The following CCDC30 variants were observed in gnomAD, a reference collection of about 807,000 sequenced individuals.
CCDC30 encodes the protein coiled-coil domain containing 30.
In CCDC30, 70 loss-of-function variants were observed where a neutral mutation model predicts 100.2. The observed-to-expected ratio is 0.70, with a 90% confidence interval of 0.58 to 0.85. The LOEUF is 0.85. Ranked by LOEUF, CCDC30 falls within the 40% of genes least tolerant of loss-of-function variation. The probability of loss-of-function intolerance (pLI) is 0.00; values close to 1 mark genes in which losing one functional copy is unlikely to be tolerated. For missense variants in CCDC30, 652 were observed against 771.2 expected (o/e 0.85, Z 1.83); for synonymous variants, 233 against 269.5 (o/e 0.86, Z 1.33).
At chr1:42,631,354 G>A (rs2148669587) in intron 11 of CCDC30, among the ~76,000 whole-genome samples, 1 of 152,262 alleles carries the variant, frequency 6.6e-6, no homozygotes, top group East Asian at 1.9e-4. Flanking sequence ...TATGTTCTGA[G>A]CCACTTGGAA....
At position 42,498,905 on chromosome 1, in the gene CCDC30, CAG is replaced by C; in HGVS notation, c.451_452del (p.Glu151ThrfsTer35). On this transcript the variant is annotated frameshift_variant, in exon 6 of 17. Transcript: ENST00000668663. LOFTEE classifies it high-confidence loss of function. ...CCCTGGAAAAACTGTGGGTGGTGAACAGAGAGAACAGGTATTGTATTTTAAAG... is the reference window on the plus strand; with the variant it reads ...CCCTGGAAAAACTGTGGGTGGTGAACAGAGAACAGGTATTGTATTTTAAAG... 8.1e-7 allele frequency: 1 copy of C among 1,232,268 alleles called. No individual in the cohort carries two copies. The highest frequency in any genetic ancestry group is 3.2e-5 in the East Asian group (1 of 31,640). 76.3% of individuals were successfully genotyped at this position (1,232,268 alleles called of 1,614,324 possible).
At chr1:42,642,353 G>A (rs1647525810) in intron 12 of CCDC30, 120 bp from the exon 17 acceptor site, 4 of 782,548 alleles carry the variant, frequency 5.1e-6, no homozygotes, top group African/African-American at 1.8e-5. Context: ...AACAGACTAG[G>A]GGACAGGAAA....
rs572103292 is a variant in CCDC30, at chr1:42,613,346, C to G, written c.1277+2256C>G. 2.6e-5 allele frequency among the ~76,000 whole-genome samples: 4 copies of G among 152,294 alleles called. No homozygotes were observed. The East Asian group carries it at 5.8e-4, about 22-fold the overall frequency. On this transcript the variant is annotated intron_variant, in intron 11 of 16. Transcript: ENST00000668663. ...CTCGGCTCACTGCAAGCTCCGCCTC[C>G]CAGGTTCACGCCATTCTCCTGGCTC...
At chr1:42,462,890 C>T (rs1243721595), upstream of CCDC30, among the ~76,000 whole-genome samples, 2 of 152,208 alleles carry the variant, frequency 1.3e-5, no homozygotes, top group Admixed American at 1.3e-4. Context: ...GCTAGTGACA[C>T]GATCTAGGCC....
chr1:42,618,230 T>G (rs1292683422), intron 11 of CCDC30, among the ~76,000 whole-genome samples: 1 of 100,410 alleles, frequency 1.0e-5, no homozygotes, highest in Non-Finnish European at 1.9e-5. Flanking sequence ...CAGTGATATC[T>G]TTTTTTTTTT....
At chr1:42,599,751 A>G (rs1263730812) in intron 10 of CCDC30, among the ~76,000 whole-genome samples, 1 of 152,220 alleles carries the variant, frequency 6.6e-6, no homozygotes, top group Non-Finnish European at 1.5e-5. Context: ...AAAGAAAGTG[A>G]GAGTAGCTAA....
chr1:42,517,716 A>G (rs1488491072), intron 6 of CCDC30, among the ~76,000 whole-genome samples: 1 of 152,234 alleles, frequency 6.6e-6, no homozygotes, highest in East Asian at 1.9e-4. Flanking sequence ...CATTCAACAA[A>G]GAAAAGCCCT....
chr1:42,601,964 TA>T (rs1424519587), intron 10 of CCDC30, among the ~76,000 whole-genome samples: 8 of 152,140 alleles, frequency 5.3e-5, no homozygotes, highest in Non-Finnish European at 8.8e-5. Context: ...ATTCATCAGA[TA>T]AATTCAACAA....
At position 42,574,913 on chromosome 1, in the gene CCDC30, A is replaced by G. The variant is rs76941324; in HGVS notation, c.637-2107A>G. 7.7e-3 allele frequency among the ~76,000 whole-genome samples: 1,167 copies of G among 152,300 alleles called. 14 individuals carry two copies. Among genetic ancestry groups the G allele is most frequent in the Non-Finnish European group, 0.012 (783 of 68,006 alleles). On this transcript the variant is annotated intron_variant, in intron 7 of 16. Transcript: ENST00000668663. Reference sequence around the variant, plus strand: ...ACTTAACTGTTGTTAGGTCTTTCCTATGTGTCTGGCTCTATTCTTGAGGCT... The same window carrying G: ...ACTTAACTGTTGTTAGGTCTTTCCTGTGTGTCTGGCTCTATTCTTGAGGCT...
chr1:42,477,338 T>C (rs1161579678), intron 1 of CCDC30, among the ~76,000 whole-genome samples: 1 of 152,092 alleles, frequency 6.6e-6, no homozygotes, highest in Admixed American at 6.6e-5. Flanking sequence ...CAAGGGATTC[T>C]CCTGCCTCAG....
intron 11 of CCDC30, among the ~76,000 whole-genome samples, chr1:42,631,083 C>G (rs1374228046): frequency 6.6e-6 from 1 of 152,142 alleles, no homozygotes; most frequent in Non-Finnish European, 1.5e-5. Context: ...TCTTTGCAGT[C>G]TGGGCTTATT....
chr1:42,494,230 A>G (rs1644193114), intron 4 of CCDC30, among the ~76,000 whole-genome samples: 1 of 152,242 alleles, frequency 6.6e-6, no homozygotes. Flanking sequence ...TCTTTGACAA[A>G]TCTGAGAAAA....
chr1:42,558,435 G>A (rs1353087019), intron 6 of CCDC30, among the ~76,000 whole-genome samples: 1 of 152,150 alleles, frequency 6.6e-6, no homozygotes, highest in Admixed American at 6.5e-5. Context: ...AACAGTAATG[G>A]GAAACATTAT....
At chr1:42,639,961 C>G (rs920312392) in intron 12 of CCDC30, among the ~76,000 whole-genome samples, 5 of 97,388 alleles carry the variant, frequency 5.1e-5, no homozygotes, top group East Asian at 3.4e-4. Context: ...AGTGAAACTT[C>G]GTCTCAAAAA....
downstream of CCDC30, among the ~76,000 whole-genome samples, chr1:42,655,182 T>C (rs1320278498): frequency 6.6e-6 from 1 of 152,236 alleles, no homozygotes; most frequent in African/African-American, 2.4e-5. Flanking sequence ...TGATGTTCTA[T>C]AATTATTTTT....
intron 11 of CCDC30, 24 bp from the exon 16 acceptor site, chr1:42,637,213 C>T (rs1258515687): frequency 1.9e-6 from 3 of 1,567,814 alleles, no homozygotes; most frequent in Admixed American, 2.1e-5. Flanking sequence ...TCAGATGTGT[C>T]TAAACTCAAA....
At chr1:42,638,855 G>A (rs530427774) in intron 12 of CCDC30, among the ~76,000 whole-genome samples, 4 of 151,850 alleles carry the variant, frequency 2.6e-5, no homozygotes, top group East Asian at 1.9e-4. Context: ...TAGCCTGGGG[G>A]ACAAGAGCAA....
chr1:42,515,691 A>C (rs938760618), intron 6 of CCDC30, among the ~76,000 whole-genome samples: 2 of 152,202 alleles, frequency 1.3e-5, no homozygotes, highest in Non-Finnish European at 2.9e-5. Context: ...TTTTGTTATA[A>C]TAGTCCAAAG....
intron 6 of CCDC30, among the ~76,000 whole-genome samples, chr1:42,563,169 G>A (rs185065437): frequency 2.1e-3 from 323 of 152,254 alleles, no homozygotes; most frequent in African/African-American, 7.3e-3. Context: ...GTTTATTGCA[G>A]CACTATTTAC....
Sources: gnomAD v4.1 joint callset for allele counts (sites outside exome capture counted in the v4.1 genomes callset) on GRCh38, gnomAD v4.1.1 for gene constraint, MANE v1.5 for transcripts, NCBI Gene and HGNC (gene_info 2026-07-23, HGNC 2026-07-21) for gene names.